The following FBXL17 variants were observed in gnomAD, a reference collection of about 807,000 sequenced individuals.
FBXL17 encodes F-box/LRR-repeat protein 17.
FBXL17 carries 22 observed loss-of-function variants against 66.2 expected under a neutral mutation model. The ratio of observed to expected loss-of-function variants is 0.33; its 90% CI spans 0.24 to 0.47. The LOEUF is 0.47. Among genes scored for constraint, FBXL17 ranks in the 20% least tolerant of loss-of-function variants. The probability of loss-of-function intolerance (pLI) is 1.00; values close to 1 mark genes in which losing one functional copy is unlikely to be tolerated. For missense variants in FBXL17, 878 were observed against 948.2 expected (o/e 0.93, Z 0.97); for synonymous variants, 474 against 400.5 (o/e 1.18, Z -2.19).
intron 6 of FBXL17, among the ~76,000 whole-genome samples, chr5:108,093,633 T>C (rs149802766): frequency 6.6e-6 from 1 of 152,206 alleles, no homozygotes; most frequent in Non-Finnish European, 1.5e-5. Context: ...CCTATTCAAG[T>C]TCACAATTCT....
At chr5:107,964,052 T>C (rs916208144) in intron 7 of FBXL17, among the ~76,000 whole-genome samples, 7 of 152,264 alleles carry the variant, frequency 4.6e-5, no homozygotes, top group South Asian at 4.1e-4. Context: ...TAAAGTAGCA[T>C]AGTTTTTATG....
chr5:107,988,902 T>C (rs1031087682), intron 7 of FBXL17, among the ~76,000 whole-genome samples: 10 of 152,102 alleles, frequency 6.6e-5, no homozygotes, highest in African/African-American at 2.4e-4. Context: ...AAGCCAACTC[T>C]TAATTGTACC....
chr5:107,975,391 G>A (rs953826004), intron 7 of FBXL17, among the ~76,000 whole-genome samples: 1 of 152,086 alleles, frequency 6.6e-6, no homozygotes, highest in Non-Finnish European at 1.5e-5. Flanking sequence ...TTAAGTCCAA[G>A]GGCAAGTAAA....
At chr5:108,200,289 A>G (rs1195272331) in intron 5 of FBXL17, among the ~76,000 whole-genome samples, 1 of 151,826 alleles carries the variant, frequency 6.6e-6, no homozygotes, top group Non-Finnish European at 1.5e-5. Flanking sequence ...TATAGAGAAG[A>G]GCATGCTTAG....
chr5:108,312,633 C>T (rs948537288), intron 4 of FBXL17, among the ~76,000 whole-genome samples: 5 of 151,678 alleles, frequency 3.3e-5, no homozygotes, highest in Non-Finnish European at 7.4e-5. Flanking sequence ...ACTTCCAAGA[C>T]AAGGTAATAC....
At position 108,275,630 on chromosome 5, in the gene FBXL17, G is replaced by A. The variant is rs1757454200; in HGVS notation, c.1507-51402C>T. Reference sequence around the variant, plus strand: ...ATATAAATAGTTCTTGAATAGTTGGGATATAGAAATATATCTTCCCAACAT... The same window carrying A: ...ATATAAATAGTTCTTGAATAGTTGGAATATAGAAATATATCTTCCCAACAT... On this transcript the variant is annotated intron_variant, in intron 4 of 8. Coordinates refer to ENST00000542267, the MANE Select transcript of FBXL17 (RefSeq NM_001163315.3). Among the ~76,000 whole-genome samples, 5 of 152,204 alleles carry A rather than the reference G, an allele frequency of 3.3e-5. No homozygotes were observed. The South Asian group carries it at 8.3e-4, about 25-fold the overall frequency.
rs1026512063 is a variant in FBXL17, at chr5:108,020,974, T to C, written c.1773A>G (p.Gly591=). 5 of 1,610,886 alleles carry C rather than the reference T, an allele frequency of 3.1e-6. No homozygotes were observed. Among genetic ancestry groups the C allele is most frequent in the Non-Finnish European group, 3.4e-6 (4 of 1,177,768 alleles). Residue 591 remains glycine (G), a synonymous_variant, in exon 7 of 9, where the codon GGA becomes GGG. Transcript: ENST00000542267. ...DRCVEVIAKE[G]QNLKELYLVS... is the part of the protein sequence containing the mutation. ...CCAAATATAGCTCTTTCAGGTTTTG[T>C]CCTTCCTTTGCAATGACCTCCACAC...
At chr5:108,326,232 C>A (rs1054776497) in intron 4 of FBXL17, among the ~76,000 whole-genome samples, 1 of 152,012 alleles carries the variant, frequency 6.6e-6, no homozygotes, top group Admixed American at 6.6e-5. Context: ...ACATCTGACA[C>A]AAGAACTTAT....
In FBXL17 at chr5:108,052,042, G is replaced by A. The variant is rs190757078; in HGVS notation, c.1746-31041C>T. Among the ~76,000 whole-genome samples, 424 of 149,068 alleles carry A rather than the reference G, an allele frequency of 2.8e-3. 5 individuals carry two copies. Among genetic ancestry groups the A allele is most frequent in the Non-Finnish European group, 2.8e-3 (188 of 67,672 alleles). On this transcript the variant is annotated intron_variant, in intron 6 of 8. Coordinates refer to ENST00000542267, the MANE Select transcript of FBXL17 (RefSeq NM_001163315.3). Reference sequence around the variant, plus strand: ...GCAGGAGAATGGCGTGAACCTGGGAGGCGGAGCTTGCACTGAGCCGAGATC... The same window carrying A: ...GCAGGAGAATGGCGTGAACCTGGGAAGCGGAGCTTGCACTGAGCCGAGATC...
intron 4 of FBXL17, among the ~76,000 whole-genome samples, chr5:108,316,330 G>A (rs1759361841): frequency 1.3e-5 from 2 of 151,172 alleles, no homozygotes; most frequent in African/African-American, 4.8e-5. Context: ...TTTTTATACG[G>A]CAATATCAAT....
intron 7 of FBXL17, among the ~76,000 whole-genome samples, chr5:107,938,265 T>A (rs1333396511): frequency 1.3e-5 from 2 of 149,884 alleles, no homozygotes; most frequent in Non-Finnish European, 3.0e-5. Context: ...TTCAAAATGA[T>A]ACAGCCAAGC....
chr5:108,367,454 A>C (rs531927750), intron 2 of FBXL17, among the ~76,000 whole-genome samples: 2 of 152,278 alleles, frequency 1.3e-5, no homozygotes, highest in East Asian at 3.9e-4. Flanking sequence ...AGTATGCATA[A>C]AGCCCTTAGA....
At chr5:108,125,007 G>A (rs573859035) in intron 6 of FBXL17, among the ~76,000 whole-genome samples, 1 of 151,996 alleles carries the variant, frequency 6.6e-6, no homozygotes, top group South Asian at 2.1e-4. Flanking sequence ...AACCATCCCT[G>A]AAATTATCTA....
In FBXL17 at chr5:107,860,326, T is replaced by C. The variant is rs1303969045; in HGVS notation, c.*1394A>G. On this transcript the variant is annotated 3_prime_UTR_variant, in exon 9 of 9. Coordinates refer to ENST00000542267, the MANE Select transcript of FBXL17 (RefSeq NM_001163315.3). Reference sequence around the variant, plus strand: ...AGCAACTTCACAAGTTAGGGTTTTGTTTCTAGTTCTACTGTGAAAGATAAT... The same window carrying C: ...AGCAACTTCACAAGTTAGGGTTTTGCTTCTAGTTCTACTGTGAAAGATAAT... The C allele has an allele frequency of 6.6e-6, 1 of 152,634 alleles. No individual in the cohort carries two copies. The highest frequency in any genetic ancestry group is 1.5e-5 in the Non-Finnish European group (1 of 68,024). The allele number at this position is 152,634 out of a possible 1,614,324, so 9.5% of individuals were successfully genotyped here.
chr5:108,317,241 C>A (rs755890354), intron 4 of FBXL17, among the ~76,000 whole-genome samples: 1 of 151,286 alleles, frequency 6.6e-6, no homozygotes, highest in Non-Finnish European at 1.5e-5. Context: ...ATGTCATATA[C>A]ATAAAATCTT....
At position 108,268,414 on chromosome 5, in the gene FBXL17, T is replaced by C. The variant is rs184263627; in HGVS notation, c.1507-44186A>G. On this transcript the variant is annotated intron_variant, in intron 4 of 8. Coordinates refer to ENST00000542267, the MANE Select transcript of FBXL17 (RefSeq NM_001163315.3). ...AGATTTAAAGGCAAATCTGTAACTA[T>C]GAAACGGCTCTGGTTCAACGTTATC... Among the ~76,000 whole-genome samples the C allele has an allele frequency of 2.8e-3, 422 of 152,166 alleles. 3 individuals carry two copies. Among genetic ancestry groups the C allele is most frequent in the Middle Eastern group, 0.01 (3 of 294 alleles).
At chr5:108,075,181 G>A (rs560831754) in intron 6 of FBXL17, among the ~76,000 whole-genome samples, 8 of 152,282 alleles carry the variant, frequency 5.3e-5, no homozygotes, top group Non-Finnish European at 7.3e-5. Flanking sequence ...ACTCCACCCT[G>A]AGCTCAGTTG....
intron 7 of FBXL17, among the ~76,000 whole-genome samples, chr5:107,923,871 T>C (rs937558062): frequency 7.2e-5 from 11 of 151,970 alleles, no homozygotes; most frequent in Non-Finnish European, 1.3e-4. Context: ...AAAGTGGTAA[T>C]ATGCTAATGG....
At chr5:108,035,813 C>T (rs1746820310) in intron 6 of FBXL17, among the ~76,000 whole-genome samples, 4 of 152,060 alleles carry the variant, frequency 2.6e-5, no homozygotes, top group Admixed American at 2.6e-4. Context: ...GCACTCTACC[C>T]TTGAAATCTG....
Sources: gnomAD v4.1 joint callset for allele counts (sites outside exome capture counted in the v4.1 genomes callset) on GRCh38, gnomAD v4.1.1 for gene constraint, MANE v1.5 for transcripts, NCBI Gene and HGNC (gene_info 2026-07-23, HGNC 2026-07-21) for gene names.